Variants in NEMP2 observed in about 807,000 individuals in gnomAD.
NEMP2 encodes the protein nuclear envelope integral membrane protein 2.
In NEMP2, 53 loss-of-function variants were observed where a neutral mutation model predicts 54.2. The ratio of observed to expected loss-of-function variants is 0.98; its 90% CI spans 0.78 to 1.23. NEMP2 has a LOEUF of 1.23. Among genes scored for constraint, NEMP2 ranks in the 50% most tolerant of loss-of-function variants. NEMP2 has a pLI of 0.00. For synonymous variants in NEMP2, 197 were observed against 190.3 expected (o/e 1.04, Z -0.29); for missense variants, 455 against 511.3 (o/e 0.89, Z 1.06).
In NEMP2 at chr2:190,510,765, C is replaced by T. The variant is rs1418218149; in HGVS notation, c.954-228G>A. ...GCATGGTGGTGGTCGCCTGTAGTCC[C>T]AGCTACTTGGGAGGCTGAGGCAGGA... On this transcript the variant is annotated intron_variant, in intron 7 of 8. Coordinates refer to ENST00000409150, the MANE Select transcript of NEMP2 (RefSeq NM_001142645.2). This position sits in a 1 kb window ranked among gnomAD's most constrained non-coding sequence, Gnocchi z 5.7. Among the ~76,000 whole-genome samples the T allele has an allele frequency of 2.0e-5, 3 of 151,638 alleles. No homozygotes were observed. Among genetic ancestry groups the T allele is most frequent in the African/African-American group, 7.3e-5 (3 of 41,212 alleles).
At chr2:190,481,806 T>C in the NEMP2 span, among the ~76,000 whole-genome samples, 1 of 152,202 alleles carries the variant, frequency 6.6e-6, no homozygotes, top group Non-Finnish European at 1.5e-5. Context: ...ATAAACTTTC[T>C]TTCGTGCAGC....
the NEMP2 span, among the ~76,000 whole-genome samples, chr2:190,442,341 G>A: frequency 5.9e-5 from 9 of 152,230 alleles, no homozygotes; most frequent in South Asian, 2.1e-4. Context: ...AAAGGGAAGC[G>A]TGTTGGAAAA....
At chr2:190,559,114 T>C in the NEMP2 span, among the ~76,000 whole-genome samples, 2 of 152,090 alleles carry the variant, frequency 1.3e-5, no homozygotes, top group Non-Finnish European at 2.9e-5. This position sits in a 1 kb window ranked among gnomAD's most constrained non-coding sequence, Gnocchi z 4.0. Flanking sequence ...AATAATAGAA[T>C]ATAAAGCAAG....
At chr2:190,578,666 C>T in the NEMP2 span, among the ~76,000 whole-genome samples, 12 of 151,780 alleles carry the variant, frequency 7.9e-5, no homozygotes, top group Admixed American at 7.2e-4. This position sits in a 1 kb window ranked among gnomAD's most constrained non-coding sequence, Gnocchi z 4.4. Context: ...GGTGTGTTTG[C>T]AGAGGAAGTT....
chr2:190,481,830 A>ATGC, the NEMP2 span, among the ~76,000 whole-genome samples: 3 of 152,200 alleles, frequency 2.0e-5, no homozygotes, highest in Non-Finnish European at 2.9e-5. Context: ...CAGAAGATCC[A>ATGC]TGCTGCTGCT....
chr2:190,437,402 G>T, the NEMP2 span: 1 of 1,614,226 alleles, frequency 6.2e-7, no homozygotes, highest in African/African-American at 1.3e-5. The surrounding 1 kb of genome is among the most constrained non-coding windows in gnomAD (Gnocchi z 5.9). Flanking sequence ...TGGTTCATGG[G>T]TTTTGGATAT....
chr2:190,588,825 T>G, the NEMP2 span, among the ~76,000 whole-genome samples: 1 of 152,114 alleles, frequency 6.6e-6, no homozygotes, highest in Non-Finnish European at 1.5e-5. The surrounding 1 kb of genome is among the most constrained non-coding windows in gnomAD (Gnocchi z 5.0). Flanking sequence ...TTATCAGAGG[T>G]GGCTGATAAA....
At chr2:190,498,792 T>C in the NEMP2 span, among the ~76,000 whole-genome samples, 2 of 152,318 alleles carry the variant, frequency 1.3e-5, no homozygotes, top group South Asian at 4.1e-4. This position sits in a 1 kb window ranked among gnomAD's most constrained non-coding sequence, Gnocchi z 5.9. Flanking sequence ...CTCATCCTCA[T>C]TTTCACAGAA....
the NEMP2 span, among the ~76,000 whole-genome samples, chr2:190,486,863 T>G: frequency 6.6e-6 from 1 of 152,178 alleles, no homozygotes; most frequent in Non-Finnish European, 1.5e-5. Context: ...CAATATCTGG[T>G]TTTTACATTT....
At chr2:190,644,742 T>C in the NEMP2 span, among the ~76,000 whole-genome samples, 6 of 152,008 alleles carry the variant, frequency 3.9e-5, no homozygotes, top group Non-Finnish European at 5.9e-5. The surrounding 1 kb of genome is among the most constrained non-coding windows in gnomAD (Gnocchi z 4.4). Flanking sequence ...CGCGGTCTAC[T>C]TGAGGGTGAG....
At chr2:190,635,994 T>C in the NEMP2 span, among the ~76,000 whole-genome samples, 2 of 152,200 alleles carry the variant, frequency 1.3e-5, no homozygotes, top group African/African-American at 4.8e-5. This position sits in a 1 kb window ranked among gnomAD's most constrained non-coding sequence, Gnocchi z 4.1. Context: ...GCCTCCCCAC[T>C]AGGTGGAACC....
At chr2:190,610,445 T>C in the NEMP2 span, 2 of 152,168 alleles carry the variant, frequency 1.3e-5, no homozygotes, top group African/African-American at 2.4e-5. The surrounding 1 kb of genome is among the most constrained non-coding windows in gnomAD (Gnocchi z 5.4). Flanking sequence ...GAAAGTGACA[T>C]TGTTTGCTTA....
the NEMP2 span, among the ~76,000 whole-genome samples, chr2:190,422,522 G>A: frequency 6.6e-6 from 1 of 152,134 alleles, no homozygotes; most frequent in Non-Finnish European, 1.5e-5. Context: ...ATAAACTCAA[G>A]TAATAATTTG....
At chr2:190,550,297 C>T in the NEMP2 span, among the ~76,000 whole-genome samples, 1 of 152,110 alleles carries the variant, frequency 6.6e-6, no homozygotes, top group African/African-American at 2.4e-5. This position sits in a 1 kb window ranked among gnomAD's most constrained non-coding sequence, Gnocchi z 4.7. Flanking sequence ...ATAGGTGGCT[C>T]CTTCTTACTA....
the NEMP2 span, among the ~76,000 whole-genome samples, chr2:190,448,571 A>G: frequency 3.3e-5 from 5 of 152,220 alleles, no homozygotes; most frequent in Admixed American, 6.5e-5. Flanking sequence ...TCAAAATAAT[A>G]CACAATTCAG....
chr2:190,511,136 A>C (rs1251277716), intron 7 of NEMP2, among the ~76,000 whole-genome samples: 2 of 152,196 alleles, frequency 1.3e-5, no homozygotes, highest in Non-Finnish European at 2.9e-5. Context: ...ATTTCTAATC[A>C]CAGAGGCAAT....
At chr2:190,486,379 G>T in the NEMP2 span, among the ~76,000 whole-genome samples, 4 of 152,238 alleles carry the variant, frequency 2.6e-5, no homozygotes, top group African/African-American at 9.6e-5. Context: ...GCCCTCTATA[G>T]ATCTCTGGAG....
the NEMP2 span, among the ~76,000 whole-genome samples, chr2:190,428,562 C>T: frequency 6.6e-6 from 1 of 152,074 alleles, no homozygotes; most frequent in African/African-American, 2.4e-5. Context: ...TTATACTTAC[C>T]TGTTCAGCCT....
the NEMP2 span, among the ~76,000 whole-genome samples, chr2:190,600,212 TCTAA>T: frequency 1.3e-5 from 2 of 152,180 alleles, no homozygotes; most frequent in Non-Finnish European, 2.9e-5. The surrounding 1 kb of genome is among the most constrained non-coding windows in gnomAD (Gnocchi z 4.9). Flanking sequence ...TCCTGTTGTT[TCTAA>T]CTCTCATTGC....
Sources: allele counts gnomAD v4.1 joint callset (sites outside exome capture counted in the v4.1 genomes callset), GRCh38; gene constraint gnomAD v4.1.1; non-coding constraint Gnocchi (gnomAD v3.1); transcripts MANE v1.5; gene names NCBI Gene and HGNC (gene_info 2026-07-23, HGNC 2026-07-21).